GDA: variants seen among roughly 807,000 people sequenced by gnomAD.
GDA encodes the protein guanine deaminase, also known as cytoplasmic PSD-95 interactor.
Under a neutral mutation model 59.6 loss-of-function variants are expected in GDA, and 18 were observed. The observed-to-expected ratio is 0.30, with a 90% CI of 0.21 to 0.45. The LOEUF (loss-of-function observed/expected upper bound fraction) is 0.45. Ranked by LOEUF, GDA falls within the 20% of genes least tolerant of loss-of-function variation. GDA has a pLI of 1.00. For missense variants in GDA, 427 were observed against 552.3 expected (o/e 0.77, Z 2.27); for synonymous variants, 201 against 201.1 (o/e 1.00, Z 0.00).
At chr9:72,160,823 C>T (rs1405839203) in intron 1 of GDA, among the ~76,000 whole-genome samples, 4 of 152,186 alleles carry the variant, frequency 2.6e-5, no homozygotes, top group Non-Finnish European at 5.9e-5. Flanking sequence ...TGTTAAATTC[C>T]TTTGTGTCTT....
At chr9:72,199,480 T>A (rs1052866087) in intron 2 of GDA, among the ~76,000 whole-genome samples, 2 of 152,222 alleles carry the variant, frequency 1.3e-5, no homozygotes, top group African/African-American at 4.8e-5. Context: ...TCAGCTACAA[T>A]GAACATGCTC....
intron 1 of GDA, among the ~76,000 whole-genome samples, chr9:72,164,942 A>ATCCAGCCACTGCAC (rs1441663022): frequency 1.3e-5 from 2 of 149,390 alleles, no homozygotes; most frequent in Non-Finnish European, 3.0e-5. Context: ...GTGAGCCAAG[A>ATCCAGCCACTGCAC]TCCAGCCACT....
At chr9:72,135,433 T>C (rs182925998) in intron 1 of GDA, among the ~76,000 whole-genome samples, 28 of 152,296 alleles carry the variant, frequency 1.8e-4, no homozygotes, top group Non-Finnish European at 4.1e-4. Flanking sequence ...TTTAAGATGA[T>C]GCCACATGAC....
chr9:72,189,787 G>A (rs1832311498), intron 1 of GDA, among the ~76,000 whole-genome samples: 1 of 152,084 alleles, frequency 6.6e-6, no homozygotes, highest in African/African-American at 2.4e-5. Context: ...GTTGCACTGA[G>A]CCAAAATCAT....
At chr9:72,141,332 A>G (rs1223073707) in intron 1 of GDA, among the ~76,000 whole-genome samples, 2 of 152,284 alleles carry the variant, frequency 1.3e-5, no homozygotes, top group African/African-American at 4.8e-5. Context: ...TTTCATTTAT[A>G]TATAATATTA....
chr9:72,153,770 A>C (rs1338799297), intron 1 of GDA, among the ~76,000 whole-genome samples: 1 of 143,634 alleles, frequency 7.0e-6, no homozygotes, highest in Non-Finnish European at 1.5e-5. Context: ...CAATGAGAAC[A>C]CATGGACACA....
chr9:72,235,992 A>G (rs954554262), intron 10 of GDA, among the ~76,000 whole-genome samples: 3 of 152,118 alleles, frequency 2.0e-5, no homozygotes, highest in African/African-American at 7.2e-5. Flanking sequence ...CCCTATCCTA[A>G]CTTACTTCTT....
chr9:72,251,752 C>G lies in GDA; in HGVS notation c.*3410C>G, dbSNP rs1840706786. On this transcript the variant is annotated 3_prime_UTR_variant, in exon 14 of 14. Transcript: ENST00000358399. ...AAACAGAAGGATACTGTTAGAAAAT[C>G]CTAACATTGGTCTCCGTGCATGTGT... 1 of 152,016 alleles carries G rather than the reference C, an allele frequency of 6.6e-6. No homozygotes were observed. The highest frequency in any genetic ancestry group is 2.1e-4 in the South Asian group (1 of 4,830). The allele number at this position is 152,016 out of a possible 1,614,324, so 9.4% of individuals were successfully genotyped here. A position where few individuals can be genotyped will look rare whatever the true frequency, so the allele number is the denominator to read the frequency against.
At chr9:72,123,853 TA>T (rs1825760532) in intron 1 of GDA, among the ~76,000 whole-genome samples, 1 of 151,886 alleles carries the variant, frequency 6.6e-6, no homozygotes, top group East Asian at 1.9e-4. Flanking sequence ...TCTAAATAAA[TA>T]TAATGAAACA....
chr9:72,196,092 G>C (rs12551201), intron 2 of GDA, among the ~76,000 whole-genome samples: 1 of 152,032 alleles, frequency 6.6e-6, no homozygotes, highest in African/African-American at 2.4e-5. Flanking sequence ...CACTTGAGCT[G>C]TGATATTATA....
chr9:72,140,392 G>T (rs1270112028), intron 1 of GDA, among the ~76,000 whole-genome samples: 1 of 152,172 alleles, frequency 6.6e-6, no homozygotes, highest in African/African-American at 2.4e-5. Context: ...GGGAAAAGAG[G>T]AGGAAAGAGG....
intron 1 of GDA, among the ~76,000 whole-genome samples, chr9:72,160,434 C>CTCTAATAGGCAA (rs369021431): frequency 2.8e-4 from 42 of 152,362 alleles, no homozygotes; most frequent in African/African-American, 9.6e-4. Context: ...TCTGCTTTCT[C>CTCTAATAGGCAA]TATCCACTTG....
At chr9:72,219,232 G>A (rs755700288) in intron 5 of GDA, among the ~76,000 whole-genome samples, 1 of 151,894 alleles carries the variant, frequency 6.6e-6, no homozygotes, top group Non-Finnish European at 1.5e-5. Context: ...CTGAAACCCC[G>A]TCTCTACTAA....
At chr9:72,191,858 G>A (rs1307906799) in intron 1 of GDA, among the ~76,000 whole-genome samples, 1 of 152,132 alleles carries the variant, frequency 6.6e-6, no homozygotes, top group Non-Finnish European at 1.5e-5. Context: ...AAAGTGCTGG[G>A]ATGACAGGCA....
chr9:72,174,340 C>A (rs989195723), intron 1 of GDA, among the ~76,000 whole-genome samples: 1 of 152,190 alleles, frequency 6.6e-6, no homozygotes, highest in South Asian at 2.1e-4. Context: ...AATAAAACAG[C>A]AGCTCAGACT....
chr9:72,240,707 A>G (rs150573374), intron 10 of GDA, among the ~76,000 whole-genome samples: 73 of 152,294 alleles, frequency 4.8e-4, no homozygotes, highest in African/African-American at 1.7e-3. Flanking sequence ...GAAGAAGGCT[A>G]TTTGAGGATG....
intron 10 of GDA, among the ~76,000 whole-genome samples, chr9:72,234,235 T>A (rs1355707895): frequency 6.6e-6 from 1 of 151,928 alleles, no homozygotes; most frequent in Non-Finnish European, 1.5e-5. Flanking sequence ...AATCAGAAAG[T>A]GGTTGCCAAA....
chr9:72,155,225 G>A (rs913907941), intron 1 of GDA, among the ~76,000 whole-genome samples: 1 of 152,092 alleles, frequency 6.6e-6, no homozygotes, highest in African/African-American at 2.4e-5. Flanking sequence ...CTTACATGGC[G>A]GCAGCAAGAG....
At chr9:72,242,309 A>G (rs1249539227) in intron 11 of GDA, among the ~76,000 whole-genome samples, 1 of 152,246 alleles carries the variant, frequency 6.6e-6, no homozygotes, top group Non-Finnish European at 1.5e-5. Context: ...TAGTTGGTTG[A>G]TATGCAAATA....
Sources: gnomAD v4.1 joint callset for allele counts (sites outside exome capture counted in the v4.1 genomes callset) on GRCh38, gnomAD v4.1.1 for gene constraint, MANE v1.5 for transcripts, NCBI Gene and HGNC (gene_info 2026-07-23, HGNC 2026-07-21) for gene names.